ITPR2: variants seen among roughly 807,000 people sequenced by gnomAD.
The protein encoded by ITPR2 is inositol 1,4,5-trisphosphate-gated calcium channel ITPR2.
Under a neutral mutation model 317.1 loss-of-function variants are expected in ITPR2, and 207 were observed. The observed-to-expected ratio is 0.65, with a 90% confidence interval of 0.58 to 0.73. ITPR2 has a LOEUF of 0.73. Among genes scored for constraint, ITPR2 ranks in the 30% least tolerant of loss-of-function variants. The pLI is 0.00. For missense variants in ITPR2, 2,613 were observed against 3,284.0 expected (o/e 0.80, Z 4.99); for synonymous variants, 1,156 against 1,149.1 (o/e 1.01, Z -0.12).
At chr12:26,652,345 T>C (rs1410446971) in intron 21 of ITPR2, among the ~76,000 whole-genome samples, 1 of 152,264 alleles carries the variant, frequency 6.6e-6, no homozygotes, top group Non-Finnish European at 1.5e-5. Flanking sequence ...GTACAGTTTT[T>C]TGAAAGCTAT....
At chr12:26,423,122 C>G (rs141247019) in intron 49 of ITPR2, among the ~76,000 whole-genome samples, 6 of 152,180 alleles carry the variant, frequency 3.9e-5, no homozygotes, top group African/African-American at 1.2e-4. Flanking sequence ...AGCGTTGGAG[C>G]AGTTTTCTGT....
chr12:26,730,897 T>A (rs963718516), intron 2 of ITPR2, among the ~76,000 whole-genome samples: 12 of 152,190 alleles, frequency 7.9e-5, no homozygotes, highest in African/African-American at 2.9e-4. Flanking sequence ...CCTTCACACA[T>A]GAGTCCATGG....
At chr12:26,807,694 T>C (rs146166617) in intron 1 of ITPR2, among the ~76,000 whole-genome samples, 1 of 152,350 alleles carries the variant, frequency 6.6e-6, no homozygotes, top group East Asian at 1.9e-4. Context: ...ACTTTCAGAA[T>C]GTAAGTGCAT....
intron 37 of ITPR2, among the ~76,000 whole-genome samples, chr12:26,529,436 T>G (rs1943895531): frequency 6.6e-6 from 1 of 152,192 alleles, no homozygotes; most frequent in Admixed American, 6.5e-5. Flanking sequence ...CTGCCCAGGA[T>G]GGCTGCATGG....
chr12:26,443,053 G>T (rs537429998), intron 46 of ITPR2, among the ~76,000 whole-genome samples: 1 of 151,928 alleles, frequency 6.6e-6, no homozygotes, highest in Non-Finnish European at 1.5e-5. Flanking sequence ...TGAGGGTGGT[G>T]GAGGGGTCAA....
intron 45 of ITPR2, among the ~76,000 whole-genome samples, chr12:26,471,421 A>T (rs180965825): frequency 2.6e-4 from 40 of 152,338 alleles, no homozygotes; most frequent in African/African-American, 9.4e-4. Context: ...GACATAAGGT[A>T]AACACGCAGA....
intron 55 of ITPR2, among the ~76,000 whole-genome samples, chr12:26,369,370 T>C (rs1939114029): frequency 6.6e-6 from 1 of 152,220 alleles, no homozygotes; most frequent in Non-Finnish European, 1.5e-5. Context: ...GCACCTGTCA[T>C]GGTCTAGGTG....
At chr12:26,514,558 T>C (rs1453732116) in intron 37 of ITPR2, among the ~76,000 whole-genome samples, 2 of 152,242 alleles carry the variant, frequency 1.3e-5, no homozygotes, top group African/African-American at 4.8e-5. Context: ...GAAATAATAG[T>C]ACATTGAGCC....
intron 11 of ITPR2, among the ~76,000 whole-genome samples, chr12:26,685,213 T>C (rs942569575): frequency 2.6e-5 from 4 of 152,250 alleles, no homozygotes; most frequent in East Asian, 1.9e-4. Flanking sequence ...CCTAATAATA[T>C]GGGCAAGACT....
At position 26,578,781 on chromosome 12, in the gene ITPR2, T is replaced by C. The variant is rs1268851939; in HGVS notation, c.4562A>G (p.Asn1521Ser). The C allele has an allele frequency of 2.5e-5, 41 of 1,611,016 alleles. No homozygotes were observed. The highest frequency in any genetic ancestry group is 3.3e-5 in the South Asian group (3 of 90,802). Residue 1521 changes from asparagine to serine, a missense_variant, in exon 34 of 57, where the codon AAT (asparagine) becomes AGT (serine). Coordinates refer to ENST00000381340, the MANE Select transcript of ITPR2 (RefSeq NM_002223.4). Reference protein sequence around the residue: ...QLLQSAFRIYNCTWPNPAQKA... With the variant: ...QLLQSAFRIYSCTWPNPAQKA... ...CTGCGCTGGGTTTGGCCAGGTGCAA[T>C]TGTAAATTCTGAAGGCAGATTGCAG...
intron 34 of ITPR2, among the ~76,000 whole-genome samples, chr12:26,565,494 A>ATAGG (rs1173286171): frequency 2.1e-5 from 2 of 96,800 alleles, no homozygotes; most frequent in Non-Finnish European, 5.8e-5. Context: ...TGATAGATAG[A>ATAGG]TAGATAGATA....
At chr12:26,494,952 T>G (rs1004823149) in intron 38 of ITPR2, among the ~76,000 whole-genome samples, 200 bp downstream of exon 38, 1 of 152,174 alleles carries the variant, frequency 6.6e-6, no homozygotes, top group Non-Finnish European at 1.5e-5. Flanking sequence ...GTTTAACTAT[T>G]TTTCCAAGGT....
At chr12:26,415,584 G>T in intron 50 of ITPR2, 86 bp from the exon 51 acceptor site, 1 of 933,824 alleles carries the variant, frequency 1.1e-6, no homozygotes, top group Non-Finnish European at 1.5e-6. Flanking sequence ...AAATACAAAT[G>T]CAAGCCATTC....
intron 49 of ITPR2, among the ~76,000 whole-genome samples, chr12:26,422,964 G>T (rs143190448): frequency 6.6e-6 from 1 of 152,128 alleles, no homozygotes. Flanking sequence ...GCAGGACAAG[G>T]TTCTAAGATC....
In ITPR2 at chr12:26,452,298, AT is replaced by A. The variant is rs199936127; in HGVS notation, c.6343-8649del. On this transcript the variant is annotated intron_variant, in intron 45 of 56. Coordinates refer to ENST00000381340, the MANE Select transcript of ITPR2 (RefSeq NM_002223.4). ...TAAAAGAATGAAGTGTTTTTAAAGA[AT>A]TTTTTTTTCCTTTAAAAGCATACAA... Among the ~76,000 whole-genome samples the A allele has an allele frequency of 1.7e-3, 261 of 151,550 alleles. 1 individual carries two copies. The highest frequency in any genetic ancestry group is 4.0e-3 in the African/African-American group (167 of 41,282).
At chr12:26,586,883 T>TA (rs1446962017) in intron 32 of ITPR2, among the ~76,000 whole-genome samples, 1 of 152,178 alleles carries the variant, frequency 6.6e-6, no homozygotes, top group Non-Finnish European at 1.5e-5. Flanking sequence ...CCTTTCTCTA[T>TA]AGTAATTGTC....
At chr12:26,609,702 A>AT (rs1421295801) in intron 26 of ITPR2, among the ~76,000 whole-genome samples, 1 of 152,238 alleles carries the variant, frequency 6.6e-6, no homozygotes, top group Non-Finnish European at 1.5e-5. Context: ...GTATCAATTT[A>AT]AATGTGGTTA....
Position 26,494,339 on chromosome 12 carries a change from T to C in ITPR2, c.5184A>G (p.Gly1728=). The part of the protein sequence containing the change: ...GAYSKTAQVG[G]SFSGQDSDKM... ...TATCTGAATCTTGTCCAGAAAAGCT[T>C]CCTGTGATTGGGAAAAATAAATAAA... Residue 1728 remains glycine (G), a splice_region_variant and synonymous_variant, in exon 39 of 57, where the codon GGA becomes GGG. Coordinates refer to ENST00000381340, the MANE Select transcript of ITPR2 (RefSeq NM_002223.4). 1 of 1,594,502 alleles carries C rather than the reference T, an allele frequency of 6.3e-7. No homozygotes were observed.
intron 54 of ITPR2, among the ~76,000 whole-genome samples, chr12:26,394,102 T>C (rs1427701150): frequency 6.6e-6 from 1 of 152,178 alleles, no homozygotes; most frequent in Non-Finnish European, 1.5e-5. Flanking sequence ...TGCTAGAGAT[T>C]TTGATATACA....
Sources: gnomAD v4.1 joint callset for allele counts (sites outside exome capture counted in the v4.1 genomes callset) on GRCh38, gnomAD v4.1.1 for gene constraint, MANE v1.5 for transcripts, NCBI Gene and HGNC (gene_info 2026-07-23, HGNC 2026-07-21) for gene names.